NKAIN3: variants seen among roughly 807,000 people sequenced by gnomAD.
NKAIN3 encodes sodium/potassium transporting ATPase interacting 3.
NKAIN3 carries 25 observed loss-of-function variants against 30.2 expected under a neutral mutation model. The ratio of observed to expected loss-of-function variants is 0.83; its 90% confidence interval spans 0.60 to 1.16. The LOEUF (loss-of-function observed/expected upper bound fraction) is 1.16, where lower values mean the gene tolerates loss of function less well. Among genes scored for constraint, NKAIN3 ranks in the 50% most tolerant of loss-of-function variants. NKAIN3 has a pLI of 0.00. For synonymous variants in NKAIN3, 91 were observed against 89.6 expected (o/e 1.02, Z -0.09); for missense variants, 225 against 254.1 (o/e 0.89, Z 0.78).
At chr8:62,254,153 C>CGTGT (rs10629239) in intron 1 of NKAIN3, among the ~76,000 whole-genome samples, 6,469 of 136,936 alleles carry the variant, frequency 0.047, 185 homozygotes, top group South Asian at 0.071. Flanking sequence ...GCTTGGGTAT[C>CGTGT]GTGTGTGTGT....
intron 4 of NKAIN3, among the ~76,000 whole-genome samples, chr8:62,783,006 T>C (rs2130656038): frequency 6.6e-6 from 1 of 152,124 alleles, no homozygotes; most frequent in East Asian, 1.9e-4. Flanking sequence ...AATGCTGACT[T>C]GATCATTAAA....
chr8:62,885,232 T>G (rs961072038), intron 4 of NKAIN3, among the ~76,000 whole-genome samples: 2 of 152,250 alleles, frequency 1.3e-5, no homozygotes, highest in African/African-American at 4.8e-5. Context: ...TGAGGCTTCT[T>G]CTTTGACTCA....
At chr8:62,600,198 A>G (rs886220698) in intron 3 of NKAIN3, among the ~76,000 whole-genome samples, 8 of 152,044 alleles carry the variant, frequency 5.3e-5, no homozygotes, top group South Asian at 4.1e-4. Flanking sequence ...ACATATTAGT[A>G]GTCTTAGAGA....
chr8:62,649,519 C>T (rs1377717171), intron 3 of NKAIN3, among the ~76,000 whole-genome samples: 3 of 152,046 alleles, frequency 2.0e-5, no homozygotes, highest in African/African-American at 7.2e-5. Flanking sequence ...GTTTTTCTGT[C>T]ATTTGTACCC....
intron 3 of NKAIN3, among the ~76,000 whole-genome samples, chr8:62,652,160 C>T (rs1812641744): frequency 6.6e-6 from 1 of 151,990 alleles, no homozygotes; most frequent in East Asian, 1.9e-4. Flanking sequence ...CTTCCAAATG[C>T]CATCATCTTG....
rs565934055 is a variant in NKAIN3, at chr8:62,746,965, C to T, written c.307C>T (p.His103Tyr). ...TCTAATGACATTCAATATCTCTGTA[C>T]ATCGGTCATGGTGGAGAGAACATGG... ...TDLMTFNISV[H>Y]RSWWREHGPG... Residue 103 changes from histidine (H) to tyrosine (Y), a missense_variant, in exon 4 of 7, where the codon CAT (histidine) becomes TAT (tyrosine). Physicochemically the swap from His to Tyr is moderately conservative, Grantham distance 83. Transcript: ENST00000623646. The T allele has an allele frequency of 1.9e-6, 3 of 1,613,556 alleles. No individual in the cohort carries two copies. Among genetic ancestry groups the T allele is most frequent in the Admixed American group, 1.7e-5 (1 of 60,026 alleles).
intron 1 of NKAIN3, among the ~76,000 whole-genome samples, chr8:62,467,332 T>C (rs1337780146): frequency 6.6e-6 from 1 of 152,206 alleles, no homozygotes; most frequent in Non-Finnish European, 1.5e-5. Flanking sequence ...GGAGAAATCC[T>C]AAGAATTTTG....
At chr8:62,598,386 A>C (rs567955782) in intron 3 of NKAIN3, among the ~76,000 whole-genome samples, 2 of 152,070 alleles carry the variant, frequency 1.3e-5, no homozygotes, top group South Asian at 4.1e-4. Flanking sequence ...CTCCATGTTG[A>C]TTATTACTCA....
chr8:62,444,935 G>A (rs1665254221), intron 1 of NKAIN3, among the ~76,000 whole-genome samples: 1 of 151,924 alleles, frequency 6.6e-6, no homozygotes, highest in Non-Finnish European at 1.5e-5. Flanking sequence ...ATTGGAGTTT[G>A]GATTTGCATT....
chr8:62,777,289 C>T (rs1478063943), intron 4 of NKAIN3, among the ~76,000 whole-genome samples: 4 of 152,144 alleles, frequency 2.6e-5, no homozygotes, highest in African/African-American at 9.6e-5. Context: ...CTTTTTAACC[C>T]TATCTCTCTG....
intron 1 of NKAIN3, among the ~76,000 whole-genome samples, chr8:62,485,450 T>C (rs1806869175): frequency 6.6e-6 from 1 of 152,212 alleles, no homozygotes; most frequent in Admixed American, 6.5e-5. Flanking sequence ...GTTCCTTCAG[T>C]AGATGTTATT....
intron 4 of NKAIN3, among the ~76,000 whole-genome samples, chr8:62,820,393 G>GGCT (rs2130729833): frequency 6.6e-6 from 1 of 152,246 alleles, no homozygotes; most frequent in African/African-American, 2.4e-5. Context: ...AAGACTTCGA[G>GGCT]GCTCACTGTA....
At position 62,494,448 on chromosome 8, in the gene NKAIN3, A is replaced by G. The variant is rs895301726; in HGVS notation, c.55-85091A>G. 3.3e-5 allele frequency among the ~76,000 whole-genome samples: 5 copies of G among 152,134 alleles called. No homozygotes were observed. In the East Asian group the frequency reaches 5.8e-4, roughly 18 times the overall value. ...AAATATTTTGAGGATTTTTGCATCA[A>G]TGTTCATCAAGAATATTGCCCTGAA... On this transcript the variant is annotated intron_variant, in intron 1 of 6. Coordinates refer to ENST00000623646, the MANE Select transcript of NKAIN3 (RefSeq NM_001304533.3).
At chr8:62,878,606 C>T (rs111464308) in intron 4 of NKAIN3, among the ~76,000 whole-genome samples, 6 of 151,794 alleles carry the variant, frequency 4.0e-5, no homozygotes, top group African/African-American at 9.7e-5. Flanking sequence ...TGGTGTGCTG[C>T]TCCCATTAAC....
intron 5 of NKAIN3, among the ~76,000 whole-genome samples, chr8:62,930,576 G>GT: frequency 6.6e-6 from 1 of 151,862 alleles, no homozygotes; most frequent in Middle Eastern, 3.4e-3. Flanking sequence ...TTTTATCTCT[G>GT]TGCATTTGTC....
intron 1 of NKAIN3, among the ~76,000 whole-genome samples, chr8:62,445,459 A>G (rs573268302): frequency 6.6e-6 from 1 of 152,246 alleles, no homozygotes; most frequent in East Asian, 1.9e-4. Flanking sequence ...GGTTAAATAA[A>G]ATTGCCCACA....
At chr8:62,902,629 G>T (rs1355849206) in intron 4 of NKAIN3, among the ~76,000 whole-genome samples, 1 of 152,212 alleles carries the variant, frequency 6.6e-6, no homozygotes, top group Non-Finnish European at 1.5e-5. Flanking sequence ...TCGTAGTCAT[G>T]TGACACATTT....
chr8:62,316,077 C>T (rs938079939), intron 1 of NKAIN3, among the ~76,000 whole-genome samples: 12 of 152,082 alleles, frequency 7.9e-5, no homozygotes, highest in African/African-American at 2.9e-4. Context: ...CTGCACTTCT[C>T]CTTGCTGCCA....
At chr8:62,875,315 G>T (rs1820762529) in intron 4 of NKAIN3, among the ~76,000 whole-genome samples, 1 of 152,070 alleles carries the variant, frequency 6.6e-6, no homozygotes, top group Non-Finnish European at 1.5e-5. Flanking sequence ...ACTGCTCAAG[G>T]AAATAAGAGA....
Sources: gnomAD v4.1 joint callset for allele counts (sites outside exome capture counted in the v4.1 genomes callset) on GRCh38, gnomAD v4.1.1 for gene constraint, MANE v1.5 for transcripts, NCBI Gene and HGNC (gene_info 2026-07-23, HGNC 2026-07-21) for gene names.